ITGA9: variants seen among roughly 807,000 people sequenced by gnomAD.
ITGA9 encodes integrin subunit alpha 9.
In ITGA9, 56 loss-of-function variants were observed where a neutral mutation model predicts 127.8. That is an observed-to-expected ratio of 0.44 (90% CI 0.35 to 0.55). The LOEUF is 0.55. ITGA9 is among the 20% of genes least tolerant of loss of function. ITGA9 has a pLI of 0.00. For missense variants in ITGA9, 1,196 were observed against 1,347.1 expected (o/e 0.89, Z 1.76); for synonymous variants, 508 against 514.5 (o/e 0.99, Z 0.17).
At chr3:37,760,257 T>C (rs987729389) in intron 23 of ITGA9, among the ~76,000 whole-genome samples, 2 of 149,160 alleles carry the variant, frequency 1.3e-5, no homozygotes, top group Non-Finnish European at 3.0e-5. Flanking sequence ...AGTGAGACTC[T>C]GTCTCAATTT....
rs913798474 is a variant in ITGA9 at position 37,582,639 on chromosome 3, T to G, written c.1689+40054T>G. The stretch of plus-strand genomic sequence containing the variant: ...TGATGACTGTTAGTCCATGGAGTGG[T>G]GGGGGTAGACTAACTATCTGGTCTT... On this transcript the variant is annotated intron_variant, in intron 15 of 27. Transcript: ENST00000264741. Among the ~76,000 whole-genome samples the G allele has an allele frequency of 7.2e-5, 11 of 152,268 alleles. No individual in the cohort carries two copies. The East Asian group carries it at 2.1e-3, about 29-fold the overall frequency.
chr3:37,598,218 T>TA (rs1264172393), intron 15 of ITGA9, among the ~76,000 whole-genome samples: 1 of 151,812 alleles, frequency 6.6e-6, no homozygotes, highest in Non-Finnish European at 1.5e-5. Context: ...GGTATAGAAA[T>TA]AAAAAAGACT....
intron 4 of ITGA9, among the ~76,000 whole-genome samples, chr3:37,489,113 A>G (rs1163320627): frequency 1.9e-4 from 29 of 152,248 alleles, no homozygotes; most frequent in Admixed American, 1.9e-3. Flanking sequence ...CACTTAGCAT[A>G]ATGTCCTCAA....
chr3:37,805,223 T>C (rs980251900), intron 27 of ITGA9, among the ~76,000 whole-genome samples: 6 of 152,034 alleles, frequency 3.9e-5, no homozygotes, highest in Admixed American at 3.3e-4. Context: ...CATTTTTTTA[T>C]TTTTTTGTAA....
chr3:37,674,276 T>G (rs1450095959), intron 17 of ITGA9, among the ~76,000 whole-genome samples: 1 of 152,252 alleles, frequency 6.6e-6, no homozygotes. Context: ...TAGACTTAAC[T>G]GTAAAAGCTC....
At chr3:37,778,490 C>T (rs758720129) in intron 24 of ITGA9, among the ~76,000 whole-genome samples, 27 of 151,690 alleles carry the variant, frequency 1.8e-4, no homozygotes, top group African/African-American at 5.3e-4. Context: ...TGGTAGTGGG[C>T]GCCTGTAATC....
chr3:37,606,972 T>C (rs1177508334), intron 15 of ITGA9, among the ~76,000 whole-genome samples: 2 of 24,742 alleles, frequency 8.1e-5, no homozygotes, highest in African/African-American at 3.2e-4. Flanking sequence ...CATGGCTCCT[T>C]TTTTTTTTTT....
At chr3:37,586,034 G>GT (rs934052252) in intron 15 of ITGA9, among the ~76,000 whole-genome samples, 106 of 150,256 alleles carry the variant, frequency 7.1e-4, no homozygotes, top group African/African-American at 2.2e-3. Flanking sequence ...GAGTGATGAT[G>GT]GTGATGGTGG....
intron 15 of ITGA9, among the ~76,000 whole-genome samples, chr3:37,618,813 G>A (rs1183257266): frequency 2.0e-5 from 3 of 152,228 alleles, no homozygotes; most frequent in Non-Finnish European, 4.4e-5. Flanking sequence ...TGTTGGAAAA[G>A]CGCAGTATTA....
intron 17 of ITGA9, among the ~76,000 whole-genome samples, chr3:37,668,638 G>C (rs1454510951): frequency 6.6e-6 from 1 of 152,142 alleles, no homozygotes; most frequent in Admixed American, 6.5e-5. Context: ...GTTACTGTGG[G>C]CCAAGCCAAA....
chr3:37,496,090 G>A (rs1698725068), intron 5 of ITGA9, among the ~76,000 whole-genome samples: 1 of 152,158 alleles, frequency 6.6e-6, no homozygotes, highest in Non-Finnish European at 1.5e-5. Flanking sequence ...GGCCCCTCCT[G>A]AGTCAGGAGC....
intron 4 of ITGA9, among the ~76,000 whole-genome samples, chr3:37,485,625 G>A (rs772570564): frequency 2.0e-5 from 3 of 152,276 alleles, no homozygotes; most frequent in South Asian, 2.1e-4. Flanking sequence ...TACAACATTG[G>A]AAGGTCGGTT....
intron 18 of ITGA9, among the ~76,000 whole-genome samples, chr3:37,702,406 G>C (rs1198560549): frequency 6.6e-6 from 1 of 152,200 alleles, no homozygotes; most frequent in Non-Finnish European, 1.5e-5. Context: ...GGCAGCCTCT[G>C]ATGGGTTCCT....
chr3:37,523,896 C>T (rs1055649932), intron 12 of ITGA9, among the ~76,000 whole-genome samples: 50 of 152,154 alleles, frequency 3.3e-4, no homozygotes, highest in Non-Finnish European at 2.9e-5. Context: ...GCACTGGCCA[C>T]ATCTAAAATG....
At chr3:37,743,006 C>G (rs1475541786) in intron 21 of ITGA9, among the ~76,000 whole-genome samples, 2 of 152,164 alleles carry the variant, frequency 1.3e-5, no homozygotes, top group Admixed American at 6.5e-5. Flanking sequence ...TTCTCCCCAC[C>G]ACCCCCAGAC....
At chr3:37,672,439 T>A (rs941042154) in intron 17 of ITGA9, among the ~76,000 whole-genome samples, 1 of 152,186 alleles carries the variant, frequency 6.6e-6, no homozygotes, top group Non-Finnish European at 1.5e-5. Context: ...TCATTCACCT[T>A]CCGCCATGGT....
chr3:37,503,128 C>T (rs776524698), intron 5 of ITGA9, 50 bp from the exon 6 acceptor site: 1 of 1,606,740 alleles, frequency 6.2e-7, no homozygotes, highest in Non-Finnish European at 8.5e-7. Flanking sequence ...CATTCCCCTC[C>T]TCCCCTCCTC....
At chr3:37,800,575 T>A (rs1697225474) in intron 26 of ITGA9, among the ~76,000 whole-genome samples, 1 of 152,210 alleles carries the variant, frequency 6.6e-6, no homozygotes, top group South Asian at 2.1e-4. Flanking sequence ...TGAGTCTGTC[T>A]GCCTTTAAAG....
rs145880216 is a variant in ITGA9, at chr3:37,490,909, C to G, written c.545-3592C>G. ...GTTCCACAACCTGGTTCCAGCTCCT[C>G]TAAGTGACTTCTAAGTCCCCTTGTT... On this transcript the variant is annotated intron_variant, in intron 4 of 27. Coordinates refer to ENST00000264741, the MANE Select transcript of ITGA9 (RefSeq NM_002207.3). Among the ~76,000 whole-genome samples the G allele has an allele frequency of 2.2e-3, 329 of 150,470 alleles. 3 individuals are homozygous for G. The highest frequency in any genetic ancestry group is 7.6e-3 in the African/African-American group (311 of 41,008).
Sources: gnomAD v4.1 joint callset for allele counts (sites outside exome capture counted in the v4.1 genomes callset) on GRCh38, gnomAD v4.1.1 for gene constraint, MANE v1.5 for transcripts, NCBI Gene and HGNC (gene_info 2026-07-23, HGNC 2026-07-21) for gene names.